ZBTB40: variants seen among roughly 807,000 people sequenced by gnomAD.
The protein encoded by ZBTB40 is zinc finger and BTB domain-containing protein 40.
In ZBTB40, 60 loss-of-function variants were observed where a neutral mutation model predicts 117.5. The observed-to-expected ratio is 0.51, with a 90% CI of 0.41 to 0.63. The LOEUF (loss-of-function observed/expected upper bound fraction) is 0.63. ZBTB40 is among the 30% of genes least tolerant of loss of function. ZBTB40 has a pLI of 0.00. For missense variants in ZBTB40, 1,287 were observed against 1,498.5 expected (o/e 0.86, Z 2.33); for synonymous variants, 525 against 577.1 (o/e 0.91, Z 1.29).
chr1:22,494,908 G>A (rs1638732521), intron 3 of ZBTB40, among the ~76,000 whole-genome samples: 1 of 152,190 alleles, frequency 6.6e-6, no homozygotes, highest in South Asian at 2.1e-4. Context: ...AGCAATGAGC[G>A]CATTTAAGAG....
chr1:22,487,693 G>A lies in ZBTB40; in HGVS notation c.-69-2187G>A, dbSNP rs1008034809. Among the ~76,000 whole-genome samples the A allele has an allele frequency of 3.9e-5, 6 of 151,964 alleles. No individual in the cohort carries two copies. In the East Asian group the frequency reaches 7.7e-4, roughly 20 times the overall value. The stretch of plus-strand genomic sequence containing the variant: ...CTGATCTCCTGCAATAATAGAGCCC[G>A]TCTCCAGCATTATCCCCCTCAAATT... On this transcript the variant is annotated intron_variant, in intron 1 of 17. Transcript: ENST00000375647.
intron 3 of ZBTB40, among the ~76,000 whole-genome samples, chr1:22,499,804 A>T (rs763446700): frequency 3.3e-5 from 5 of 152,210 alleles, no homozygotes; most frequent in Non-Finnish European, 7.3e-5. Context: ...ATTTGGGAGG[A>T]GAGGAGAAAG....
In ZBTB40 at chr1:22,467,854, G is replaced by A. The variant is rs187506147; in HGVS notation, c.-70+15850G>A. Among the ~76,000 whole-genome samples, 4 of 151,230 alleles carry A rather than the reference G, an allele frequency of 2.6e-5. No homozygotes were observed. The South Asian group carries it at 6.3e-4, about 24-fold the overall frequency. ...TATGCCTGTAATCCCAGCACCTTGG[G>A]AGGCCAAGGCAGGAGGATCCCTTGA... is the stretch of plus-strand genomic sequence containing the variant. On this transcript the variant is annotated intron_variant, in intron 1 of 17. Transcript: ENST00000375647.
chr1:22,508,438 T>C (rs1639132844), intron 7 of ZBTB40, 92 bp from the exon 8 acceptor site: 3 of 1,466,376 alleles, frequency 2.0e-6, no homozygotes, highest in East Asian at 2.3e-5. Context: ...CCCAAACATA[T>C]TCACTGTAAC....
intron 3 of ZBTB40, among the ~76,000 whole-genome samples, chr1:22,496,714 C>T (rs912253833): frequency 9.9e-5 from 15 of 152,202 alleles, no homozygotes; most frequent in African/African-American, 3.4e-4. Flanking sequence ...CCCTGTCTCT[C>T]AGCAATGCTT....
intron 1 of ZBTB40, among the ~76,000 whole-genome samples, chr1:22,468,250 G>C (rs1049611449): frequency 6.6e-6 from 1 of 152,000 alleles, no homozygotes; most frequent in Admixed American, 6.6e-5. Flanking sequence ...CAAGGTCACC[G>C]AGTAAGTGTT....
chr1:22,436,162 C>A (rs540010933), intron 1 of ZBTB40, among the ~76,000 whole-genome samples: 4 of 152,086 alleles, frequency 2.6e-5, no homozygotes, highest in African/African-American at 9.7e-5. Flanking sequence ...CTTCACATTC[C>A]TAAGTGTTTA....
intron 1 of ZBTB40, among the ~76,000 whole-genome samples, chr1:22,484,127 A>G (rs1446219576): frequency 2.0e-5 from 3 of 152,198 alleles, no homozygotes; most frequent in East Asian, 1.9e-4. Flanking sequence ...TCTTTCACCA[A>G]TACCACATTG....
chr1:22,490,734 C>T, intron 2 of ZBTB40, 89 bp downstream of exon 2: 4 of 1,507,632 alleles, frequency 2.7e-6, no homozygotes, highest in Non-Finnish European at 3.6e-6. Flanking sequence ...TCAAAGACCA[C>T]TGTTAGGTAG....
At chr1:22,468,566 C>T (rs1641319599) in intron 1 of ZBTB40, among the ~76,000 whole-genome samples, 2 of 130,742 alleles carry the variant, frequency 1.5e-5, no homozygotes, top group Admixed American at 1.8e-4. Flanking sequence ...GCTTGAAACT[C>T]CTGGGCTCAA....
At chr1:22,443,684 T>C (rs571287830) in intron 1 of ZBTB40, among the ~76,000 whole-genome samples, 1 of 152,364 alleles carries the variant, frequency 6.6e-6, no homozygotes, top group Admixed American at 6.5e-5. Flanking sequence ...AGATTCTCTA[T>C]AGAATGCAAA....
chr1:22,513,005 A>T lies in ZBTB40; in HGVS notation c.2543A>T (p.Asn848Ile). The T allele has an allele frequency of 3.7e-6, 6 of 1,614,116 alleles. No individual in the cohort carries two copies. The highest frequency in any genetic ancestry group is 3.4e-6 in the Non-Finnish European group (4 of 1,180,026). The change falls in exon 12 of 18, where the codon AAT (asparagine) becomes ATT (isoleucine). Residue 848 changes from asparagine (N) to isoleucine (I), a missense_variant. Asn to Ile is a moderately radical substitution (Grantham distance 149, BLOSUM62 -3). Transcript: ENST00000375647. The surrounding 1 kb of genome is among the most constrained non-coding windows in gnomAD (Gnocchi z 4.9). ...GAGTGTGGGGCGAAGTTTGCAGCCA[A>T]TTCCACCCTGAAGAACCACCTTCGC... ...CEECGAKFAA[N>I]STLKNHLRLH...
intron 1 of ZBTB40, among the ~76,000 whole-genome samples, chr1:22,431,118 C>T (rs1393433612): frequency 6.6e-6 from 1 of 151,476 alleles, no homozygotes; most frequent in African/African-American, 2.4e-5. Context: ...TTTATATCTC[C>T]AACTGCCATT....
intron 12 of ZBTB40, among the ~76,000 whole-genome samples, chr1:22,516,447 G>A (rs1639375105): frequency 7.4e-6 from 1 of 134,660 alleles, no homozygotes; most frequent in Admixed American, 7.8e-5. Flanking sequence ...CATTACAGAT[G>A]GTGTATGAGG....
chr1:22,520,292 C>T lies in ZBTB40; in HGVS notation c.3048+17C>T. On this transcript the variant is annotated intron_variant, in intron 14 of 17. Transcript: ENST00000375647. ...GCCTACCAGGTGACCTCAGGTGCCA[C>T]TGGGAGCTCTTCCCCTCACCCCTGA... is the stretch of plus-strand genomic sequence containing the variant. 1 of 1,602,596 alleles carries T rather than the reference C, an allele frequency of 6.2e-7. No individual in the cohort carries two copies. Among genetic ancestry groups the T allele is most frequent in the Non-Finnish European group, 8.5e-7 (1 of 1,175,904 alleles).
At position 22,509,199 on chromosome 1, in the gene ZBTB40, C is replaced by T. The variant is rs372091157; in HGVS notation, c.1799C>T (p.Ser600Leu). 20 of 1,614,100 alleles carry T rather than the reference C, an allele frequency of 1.2e-5. No individual in the cohort carries two copies. The highest frequency in any genetic ancestry group is 8.0e-5 in the African/African-American group (6 of 75,002). ...QQKIEYKLFT[S>L]EEEHLAETVK... is the part of the protein sequence containing the mutation. ...AAGATTGAGTACAAGCTCTTTACCT[C>T]GGAGGAGGAGCACCTGGCAGAGACT... The change falls in exon 9 of 18, where the codon TCG becomes TTG. Residue 600 changes from serine to leucine, a missense_variant. By Grantham distance (145) the Ser-to-Leu change is moderately radical. Around this residue, in one of 2 missense-constraint regions of ZBTB40, gnomAD observed 870 missense variants for 934.4 expected, o/e 0.93. Transcript: ENST00000375647.
intron 1 of ZBTB40, among the ~76,000 whole-genome samples, chr1:22,476,950 C>G (rs1569808868): frequency 6.6e-6 from 1 of 152,212 alleles, no homozygotes; most frequent in African/African-American, 2.4e-5. Context: ...AGTGCCCTTT[C>G]ACCACATGAC....
intron 17 of ZBTB40, among the ~76,000 whole-genome samples, chr1:22,525,770 A>T (rs1639659661): frequency 6.6e-6 from 1 of 152,190 alleles, no homozygotes; most frequent in Non-Finnish European, 1.5e-5. Context: ...AGGTCCAGAG[A>T]GGCTGCCCCG....
intron 1 of ZBTB40, among the ~76,000 whole-genome samples, chr1:22,486,701 G>A (rs545884004): frequency 1.3e-4 from 19 of 143,206 alleles, no homozygotes; most frequent in African/African-American, 5.1e-4. Flanking sequence ...CTACAGAGGC[G>A]TTTGTTCATA....
Sources: allele counts gnomAD v4.1 joint callset (sites outside exome capture counted in the v4.1 genomes callset), GRCh38; gene constraint gnomAD v4.1.1; regional missense constraint gnomAD v4.1.1; non-coding constraint Gnocchi (gnomAD v3.1); transcripts MANE v1.5; gene names NCBI Gene and HGNC (gene_info 2026-07-23, HGNC 2026-07-21).